ADD2: variants seen among roughly 807,000 people sequenced by gnomAD.
ADD2 encodes the protein adducin 2.
Under a neutral mutation model 83.0 loss-of-function variants are expected in ADD2, and 23 were observed. That is an observed-to-expected ratio of 0.28 (90% CI 0.20 to 0.39). ADD2 has a LOEUF of 0.39. Among genes scored for constraint, ADD2 ranks in the 10% least tolerant of loss-of-function variants. ADD2 has a pLI of 1.00. For synonymous variants in ADD2, 375 were observed against 375.4 expected (o/e 1.00, Z 0.01); for missense variants, 758 against 944.9 (o/e 0.80, Z 2.59).
chr2:70,734,302 G>A (rs1191608024), intron 1 of ADD2, among the ~76,000 whole-genome samples: 1 of 152,160 alleles, frequency 6.6e-6, no homozygotes, highest in Admixed American at 6.5e-5. Flanking sequence ...AGCAGGATTG[G>A]CCACTCAGTG....
intron 2 of ADD2, chr2:70,711,360 C>G (rs1349100093): frequency 1.3e-5 from 2 of 152,004 alleles, no homozygotes; most frequent in African/African-American, 4.8e-5. Flanking sequence ...CCCTTGGTTT[C>G]AAGGAAGGGT....
intron 12 of ADD2, 30 bp downstream of exon 12, chr2:70,677,728 G>T (rs1320452736): frequency 6.2e-7 from 1 of 1,607,694 alleles, no homozygotes; most frequent in Non-Finnish European, 8.5e-7. Context: ...TGTGGGAGAA[G>T]AAAGAGTGGG....
chr2:70,721,232 C>T (rs1672714225), intron 1 of ADD2, among the ~76,000 whole-genome samples: 1 of 152,202 alleles, frequency 6.6e-6, no homozygotes, highest in Non-Finnish European at 1.5e-5. Context: ...GTCAGTATTT[C>T]CCACTTCACT....
At chr2:70,699,327 C>T (rs1553373202) in intron 4 of ADD2, among the ~76,000 whole-genome samples, 1 of 152,018 alleles carries the variant, frequency 6.6e-6, no homozygotes, top group East Asian at 1.9e-4. Flanking sequence ...TATATGCTTC[C>T]TGGTAACATT....
At chr2:70,757,860 C>A (rs1408401772) in intron 1 of ADD2, among the ~76,000 whole-genome samples, 1 of 152,208 alleles carries the variant, frequency 6.6e-6, no homozygotes, top group Admixed American at 6.5e-5. Context: ...ATAAAGCCTC[C>A]ATGCATTTCA....
intron 6 of ADD2, among the ~76,000 whole-genome samples, chr2:70,695,424 C>T (rs1289417119): frequency 6.6e-6 from 1 of 151,948 alleles, no homozygotes; most frequent in African/African-American, 2.4e-5. Context: ...CCCCCCATTC[C>T]CAACCATTGT....
intron 1 of ADD2, among the ~76,000 whole-genome samples, chr2:70,751,781 A>G (rs1674517275): frequency 1.3e-5 from 2 of 152,152 alleles, no homozygotes; most frequent in African/African-American, 4.8e-5. Context: ...ATCATCATAC[A>G]CTGTAACTGT....
intron 9 of ADD2, among the ~76,000 whole-genome samples, 176 bp from the exon 10 acceptor site, chr2:70,683,943 G>C (rs1174895809): frequency 6.6e-6 from 1 of 152,160 alleles, no homozygotes; most frequent in Admixed American, 6.5e-5. Context: ...AGAGCTATTA[G>C]TTTATTTTCT....
chr2:70,749,254 A>C (rs776394195), intron 1 of ADD2, among the ~76,000 whole-genome samples: 1 of 152,198 alleles, frequency 6.6e-6, no homozygotes, highest in South Asian at 2.1e-4. Context: ...AACCACCTCC[A>C]TGATTCAATT....
intron 4 of ADD2, among the ~76,000 whole-genome samples, chr2:70,697,142 G>A (rs1384551791): frequency 1.3e-5 from 2 of 152,114 alleles, no homozygotes; most frequent in Non-Finnish European, 1.5e-5. Flanking sequence ...GCGAGACTCC[G>A]TCCCCCACAC....
chr2:70,689,919 A>T (rs1397523874), intron 8 of ADD2, among the ~76,000 whole-genome samples: 1 of 152,150 alleles, frequency 6.6e-6, no homozygotes, highest in Admixed American at 6.5e-5. Flanking sequence ...TATCCTAGAC[A>T]TGGGGTGGAA....
intron 2 of ADD2, among the ~76,000 whole-genome samples, chr2:70,709,829 C>T (rs182376978): frequency 5.3e-5 from 8 of 152,318 alleles, no homozygotes; most frequent in African/African-American, 1.7e-4. Context: ...GTCAGTCCCA[C>T]GTGCATGGCG....
At chr2:70,767,640 T>A (rs1553386387) in intron 1 of ADD2, 5 of 1,325,648 alleles carry the variant, frequency 3.8e-6, no homozygotes, top group Admixed American at 7.4e-5. Context: ...GGTCCCACCA[T>A]CCCCAAGCAG....
intron 6 of ADD2, 115 bp from the exon 7 acceptor site, chr2:70,692,667 C>G (rs1362656410): frequency 1.4e-5 from 16 of 1,163,246 alleles, no homozygotes; most frequent in Admixed American, 8.9e-5. Context: ...ATTCCAGACA[C>G]CATGAGCAAT....
Position 70,736,977 on chromosome 2 carries a change from C to T in ADD2, c.-153-23793G>A, listed in dbSNP as rs563557554. 5.3e-5 allele frequency among the ~76,000 whole-genome samples: 8 copies of T among 152,186 alleles called. No individual in the cohort carries two copies. The East Asian group carries it at 1.2e-3, about 22-fold the overall frequency. ...CAGCCAACAGACACATGAAAAAATG[C>T]TCATCATCAATGGCCATCAGAGAAA... On this transcript the variant is annotated intron_variant, in intron 1 of 15. Coordinates refer to ENST00000264436, the MANE Select transcript of ADD2 (RefSeq NM_001617.4).
intron 4 of ADD2, among the ~76,000 whole-genome samples, chr2:70,698,369 A>C (rs190215888): frequency 9.8e-5 from 15 of 152,318 alleles, no homozygotes; most frequent in Admixed American, 9.8e-4. Flanking sequence ...CAAGGGGCAG[A>C]AGAAGAAGAG....
chr2:70,732,275 C>G (rs1673320872), intron 1 of ADD2, among the ~76,000 whole-genome samples: 1 of 151,926 alleles, frequency 6.6e-6, no homozygotes, highest in South Asian at 2.1e-4. Flanking sequence ...TGGATGTAGC[C>G]AGCAACACTC....
intron 15 of ADD2, among the ~76,000 whole-genome samples, chr2:70,669,813 T>C (rs782027554): frequency 5.3e-5 from 8 of 152,128 alleles, no homozygotes; most frequent in Admixed American, 1.3e-4. Flanking sequence ...TGGAAAAACA[T>C]GTAGAGAGGC....
chr2:70,693,687 A>G (rs540282758), intron 6 of ADD2, among the ~76,000 whole-genome samples: 98 of 152,328 alleles, frequency 6.4e-4, no homozygotes, highest in Admixed American at 9.8e-4. Flanking sequence ...AGGTACTTTA[A>G]ACCCAAGTGT....
Sources: allele counts gnomAD v4.1 joint callset (sites outside exome capture counted in the v4.1 genomes callset), GRCh38; gene constraint gnomAD v4.1.1; transcripts MANE v1.5; gene names NCBI Gene and HGNC (gene_info 2026-07-23, HGNC 2026-07-21).